The following PCDH15 variants were observed in gnomAD, a reference collection of about 807,000 sequenced individuals.
The protein encoded by PCDH15 is protocadherin related 15.
Under a neutral mutation model 178.5 loss-of-function variants are expected in PCDH15, and 129 were observed. The ratio of observed to expected loss-of-function variants is 0.72; its 90% confidence interval spans 0.63 to 0.84. The LOEUF (loss-of-function observed/expected upper bound fraction) is 0.84. Among genes scored for constraint, PCDH15 ranks in the 40% least tolerant of loss-of-function variants. The pLI, the probability that PCDH15 is intolerant of heterozygous loss-of-function variation, is 0.00. For missense variants in PCDH15, 2,230 were observed against 2,099.9 expected (o/e 1.06, Z -1.21); for synonymous variants, 800 against 732.0 (o/e 1.09, Z -1.50).
intron 1 of PCDH15, among the ~76,000 whole-genome samples, chr10:55,176,559 A>G (rs941956651): frequency 1.3e-5 from 2 of 152,178 alleles, no homozygotes; most frequent in Non-Finnish European, 2.9e-5. Flanking sequence ...TCAATCAATG[A>G]TAACTTGATG....
chr10:55,063,327 G>T (rs528603606), intron 2 of PCDH15, among the ~76,000 whole-genome samples: 1 of 152,188 alleles, frequency 6.6e-6, no homozygotes, highest in African/African-American at 2.4e-5. Flanking sequence ...TTATAAAGCA[G>T]TGGCATAGTA....
At chr10:53,888,339 T>TATATATGTACGTGC (rs1564691439) in intron 26 of PCDH15, among the ~76,000 whole-genome samples, 1 of 109,562 alleles carries the variant, frequency 9.1e-6, no homozygotes, top group Admixed American at 1.0e-4. Flanking sequence ...TATGTACGTA[T>TATATATGTACGTGC]ATATATATAC....
At chr10:54,249,145 T>C (rs1373908237) in intron 8 of PCDH15, among the ~76,000 whole-genome samples, 5 of 152,106 alleles carry the variant, frequency 3.3e-5, no homozygotes, top group Non-Finnish European at 7.4e-5. Context: ...TCTATGTATA[T>C]ATATTGCTTG....
chr10:54,642,094 T>C (rs572918912), intron 2 of PCDH15, among the ~76,000 whole-genome samples: 242 of 151,970 alleles, frequency 1.6e-3, no homozygotes, highest in Middle Eastern at 6.8e-3. Context: ...GGAGGTGGGC[T>C]CTTTGGGAGA....
intron 8 of PCDH15, among the ~76,000 whole-genome samples, chr10:54,307,015 C>CAT (rs1378823372): frequency 0.022 from 787 of 36,056 alleles, 63 homozygotes; most frequent in African/African-American, 0.028. Context: ...TATATATATA[C>CAT]ATATATATAT....
intron 32 of PCDH15, chr10:53,822,402 G>GA: frequency 2.5e-6 from 4 of 1,574,388 alleles, no homozygotes; most frequent in Non-Finnish European, 2.6e-6. Flanking sequence ...ACAAAAAAGA[G>GA]AAAAAGGAGA....
intron 6 of PCDH15, among the ~76,000 whole-genome samples, chr10:54,337,273 C>A (rs887534015): frequency 1.3e-5 from 2 of 151,862 alleles, no homozygotes; most frequent in Non-Finnish European, 2.9e-5. Context: ...TGAGTTAAAA[C>A]TTTGAGGGAC....
chr10:53,940,917 C>A lies in PCDH15; in HGVS notation c.3181G>T (p.Ala1061Ser). Residue 1061 changes from alanine (A) to serine (S), a missense_variant, in exon 24 of 38, where the codon GCT (alanine) becomes TCT (serine). Coordinates refer to ENST00000644397, the MANE Select transcript of PCDH15 (RefSeq NM_001384140.1). Reference protein sequence around the residue: ...KGTMVGVISAAAINQSIVYSI... With the variant: ...KGTMVGVISASAINQSIVYSI... Reference sequence around the variant, plus strand: ...TACACAATACTTTGATTAATGGCAGCAGCAGAAATTACACCAACCATGGTC... The same window carrying A: ...TACACAATACTTTGATTAATGGCAGAAGCAGAAATTACACCAACCATGGTC... The A allele has an allele frequency of 6.2e-7, 1 of 1,613,632 alleles. No homozygotes were observed. Among genetic ancestry groups the A allele is most frequent in the Non-Finnish European group, 8.5e-7 (1 of 1,179,676 alleles).
In PCDH15 at chr10:55,074,887, T is replaced by A. The variant is rs563052091; in HGVS notation, c.-80+91689A>T. 3.9e-5 allele frequency among the ~76,000 whole-genome samples: 6 copies of A among 152,312 alleles called. No homozygotes were observed. In the South Asian group the frequency reaches 1.2e-3, roughly 32 times the overall value. On this transcript the variant is annotated intron_variant, in intron 2 of 5. Transcript: ENST00000458638. The stretch of plus-strand genomic sequence containing the variant: ...GTCTTTAATCCATCTTGAGATAATT[T>A]TTGTATAAGGTATATGGAAGGGGTC...
At chr10:55,580,332 A>T (rs1405363293) in intron 2 of PCDH15, among the ~76,000 whole-genome samples, 1 of 150,828 alleles carries the variant, frequency 6.6e-6, no homozygotes, top group Admixed American at 6.6e-5. Flanking sequence ...ATATGGCTAT[A>T]TGGCTTCTTC....
At chr10:55,147,019 A>G (rs1402178709) in intron 2 of PCDH15, among the ~76,000 whole-genome samples, 9 of 151,878 alleles carry the variant, frequency 5.9e-5, no homozygotes, top group Non-Finnish European at 2.9e-5. Flanking sequence ...TTTATTTTAA[A>G]TTGTTTTAAA....
At chr10:54,518,259 T>A (rs1181524179) in intron 3 of PCDH15, among the ~76,000 whole-genome samples, 1 of 151,810 alleles carries the variant, frequency 6.6e-6, no homozygotes, top group African/African-American at 2.4e-5. Context: ...TTCAAAAAAT[T>A]GATGAATCCA....
intron 2 of PCDH15, among the ~76,000 whole-genome samples, chr10:55,586,618 A>G (rs1842731546): frequency 6.6e-6 from 1 of 152,184 alleles, no homozygotes; most frequent in Non-Finnish European, 1.5e-5. Context: ...AATTAGATAA[A>G]GGGGCAAATG....
intron 1 of PCDH15, among the ~76,000 whole-genome samples, chr10:55,297,817 T>G (rs1380354352): frequency 1.3e-5 from 2 of 152,114 alleles, no homozygotes; most frequent in Non-Finnish European, 2.9e-5. Context: ...AACTAAATAG[T>G]TGCACAGATA....
chr10:54,351,692 T>A (rs927052887), intron 5 of PCDH15, among the ~76,000 whole-genome samples: 14 of 152,168 alleles, frequency 9.2e-5, no homozygotes, highest in African/African-American at 3.4e-4. Context: ...CACCCATTCA[T>A]TATGCTGTTC....
chr10:55,410,947 T>A (rs955210115), intron 2 of PCDH15, among the ~76,000 whole-genome samples: 1 of 152,098 alleles, frequency 6.6e-6, no homozygotes, highest in African/African-American at 2.4e-5. Context: ...GTTATTACTT[T>A]GAATGTGCCT....
intron 2 of PCDH15, among the ~76,000 whole-genome samples, chr10:55,334,119 A>G (rs1403812707): frequency 6.7e-6 from 1 of 149,932 alleles, no homozygotes; most frequent in Non-Finnish European, 1.5e-5. Context: ...AGGTATAGTC[A>G]GTGTGCACAT....
chr10:55,421,918 T>C (rs763680580), intron 2 of PCDH15, among the ~76,000 whole-genome samples: 1 of 151,788 alleles, frequency 6.6e-6, no homozygotes, highest in Non-Finnish European at 1.5e-5. Context: ...ATGGTATTTC[T>C]ATTAGCCCAG....
intron 3 of PCDH15, among the ~76,000 whole-genome samples, chr10:54,491,137 C>T (rs920256228): frequency 6.6e-6 from 1 of 152,032 alleles, no homozygotes; most frequent in Non-Finnish European, 1.5e-5. Context: ...AGTAGAAATG[C>T]AGTAGCAGTT....
Sources: allele counts gnomAD v4.1 joint callset (sites outside exome capture counted in the v4.1 genomes callset), GRCh38; gene constraint gnomAD v4.1.1; transcripts MANE v1.5; gene names NCBI Gene and HGNC (gene_info 2026-07-23, HGNC 2026-07-21).